The following PARVA variants were observed in gnomAD, a reference collection of about 807,000 sequenced individuals.
The protein encoded by PARVA is alpha-parvin.
A neutral mutation model predicts 52.6 loss-of-function variants in PARVA; 25 were observed. The ratio of observed to expected loss-of-function variants is 0.48; its 90% confidence interval spans 0.35 to 0.66. The LOEUF (loss-of-function observed/expected upper bound fraction) is 0.66, where lower values mean the gene tolerates loss of function less well. PARVA is among the 30% of genes least tolerant of loss of function. The pLI is 0.01. For synonymous variants in PARVA, 185 were observed against 179.1 expected (o/e 1.03, Z -0.26); for missense variants, 373 against 450.9 (o/e 0.83, Z 1.56).
intron 1 of PARVA, among the ~76,000 whole-genome samples, chr11:12,451,369 G>A (rs760665164): frequency 1.3e-5 from 2 of 152,096 alleles, no homozygotes; most frequent in Non-Finnish European, 2.9e-5. Flanking sequence ...TCTCAGAGGA[G>A]GGAAGGGTTT....
At position 12,512,618 on chromosome 11, in the gene PARVA, A is replaced by G. The variant is rs1003595203; in HGVS notation, c.737-681A>G. On this transcript the variant is annotated intron_variant, in intron 8 of 12. Coordinates refer to ENST00000334956, the MANE Select transcript of PARVA (RefSeq NM_018222.5). The stretch of plus-strand genomic sequence containing the variant: ...ATGATCCTGATATTTACTGTGGGTA[A>G]TATTTTGAAATATTTCAATCATGCT... Among the ~76,000 whole-genome samples the G allele has an allele frequency of 5.3e-5, 8 of 152,248 alleles. No individual in the cohort carries two copies. The East Asian group carries it at 7.7e-4, about 15-fold the overall frequency.
intron 1 of PARVA, among the ~76,000 whole-genome samples, chr11:12,386,308 A>G (rs1237435885): frequency 6.6e-6 from 1 of 152,150 alleles, no homozygotes; most frequent in African/African-American, 2.4e-5. Context: ...TAATCCCCCA[A>G]ACATGTCATT....
chr11:12,412,694 C>T (rs550587540), intron 1 of PARVA, among the ~76,000 whole-genome samples: 4 of 152,274 alleles, frequency 2.6e-5, no homozygotes, highest in Admixed American at 2.0e-4. Flanking sequence ...TCCCAGCCTA[C>T]AGAGAAAGGG....
intron 5 of PARVA, among the ~76,000 whole-genome samples, chr11:12,497,082 A>G (rs1014349997): frequency 4.6e-5 from 7 of 152,194 alleles, no homozygotes; most frequent in Non-Finnish European, 1.0e-4. Flanking sequence ...GATCATAGGC[A>G]CTGAAACAAG....
intron 1 of PARVA, 39 bp from the exon 2 acceptor site, chr11:12,473,706 G>T (rs377359691): frequency 6.8e-7 from 1 of 1,481,088 alleles, no homozygotes; most frequent in African/African-American, 1.4e-5. Context: ...CCTGCCGTCC[G>T]TCAGCTGAAA....
chr11:12,519,137 G>T (rs893945482), intron 12 of PARVA, among the ~76,000 whole-genome samples: 1 of 152,226 alleles, frequency 6.6e-6, no homozygotes. Context: ...CTTACTGACT[G>T]AAGTATTCCA....
intron 1 of PARVA, among the ~76,000 whole-genome samples, chr11:12,460,259 G>A (rs1171045637): frequency 6.6e-6 from 1 of 152,122 alleles, no homozygotes; most frequent in East Asian, 1.9e-4. Flanking sequence ...AAGGATGTGA[G>A]AGCTCTGCAG....
At chr11:12,391,561 A>G (rs1228041730) in intron 1 of PARVA, among the ~76,000 whole-genome samples, 2 of 152,214 alleles carry the variant, frequency 1.3e-5, no homozygotes, top group Non-Finnish European at 2.9e-5. Context: ...GCAGGTTGGT[A>G]TCAATGGGTT....
intron 1 of PARVA, among the ~76,000 whole-genome samples, chr11:12,439,591 C>T (rs1940434383): frequency 1.3e-5 from 2 of 152,132 alleles, no homozygotes; most frequent in African/African-American, 4.8e-5. Flanking sequence ...TGTTTGAGAC[C>T]TTGTTTGGAT....
At chr11:12,378,574 C>CTTTT (rs373881363) in intron 1 of PARVA, among the ~76,000 whole-genome samples, 14 of 114,902 alleles carry the variant, frequency 1.2e-4, no homozygotes, top group African/African-American at 4.4e-4. Context: ...CGACCTTATT[C>CTTTT]TTTTTTTTTT....
At chr11:12,492,989 TTATGA>T (rs1941251049) in intron 4 of PARVA, among the ~76,000 whole-genome samples, 1 of 152,160 alleles carries the variant, frequency 6.6e-6, no homozygotes, top group African/African-American at 2.4e-5. Context: ...CTGAAAAGAC[TTATGA>T]TATATATATG....
chr11:12,523,970 G>T (rs1387210321), intron 12 of PARVA, among the ~76,000 whole-genome samples: 1 of 152,200 alleles, frequency 6.6e-6, no homozygotes, highest in Non-Finnish European at 1.5e-5. Context: ...ACTACCTGGG[G>T]GCCCAGGTCT....
intron 5 of PARVA, among the ~76,000 whole-genome samples, chr11:12,497,434 C>CA (rs200678676): frequency 0.033 from 4,996 of 151,136 alleles, 175 homozygotes; most frequent in East Asian, 0.12. Context: ...CAGCCCCCTA[C>CA]AAAAAAAAAT....
At chr11:12,404,197 T>C (rs1441451985) in intron 1 of PARVA, among the ~76,000 whole-genome samples, 3 of 152,276 alleles carry the variant, frequency 2.0e-5, no homozygotes, top group Non-Finnish European at 4.4e-5. Flanking sequence ...TATTCATTTT[T>C]TCAGCAAATA....
chr11:12,500,299 CTTA>C (rs2135063531), intron 5 of PARVA, among the ~76,000 whole-genome samples: 1 of 152,278 alleles, frequency 6.6e-6, no homozygotes, highest in East Asian at 1.9e-4. Context: ...GGCCTGGGCG[CTTA>C]CTCTTATCCC....
chr11:12,425,019 C>T (rs769759485), intron 1 of PARVA, among the ~76,000 whole-genome samples: 3 of 152,176 alleles, frequency 2.0e-5, no homozygotes, highest in Non-Finnish European at 4.4e-5. Context: ...CTGTCTCCCC[C>T]TCTTTCAATT....
chr11:12,403,551 A>T (rs1258444346), intron 1 of PARVA, among the ~76,000 whole-genome samples: 1 of 152,234 alleles, frequency 6.6e-6, no homozygotes, highest in African/African-American at 2.4e-5. Context: ...ATGTTTAGTT[A>T]TGAGGAGAAA....
rs576340994 is a variant in PARVA, at chr11:12,415,502, A to G, written c.136+37719A>G. On this transcript the variant is annotated intron_variant, in intron 1 of 12. Coordinates refer to ENST00000334956, the MANE Select transcript of PARVA (RefSeq NM_018222.5). ...CCAGGCAGCACTCCCTGATGTCATC[A>G]ATACTTAGATTTATTGGGAGGGACC... Among the ~76,000 whole-genome samples the G allele has an allele frequency of 2.1e-5, 3 of 145,358 alleles. No individual in the cohort carries two copies. In the South Asian group the frequency reaches 6.5e-4, roughly 31 times the overall value.
chr11:12,404,757 G>A (rs537021296), intron 1 of PARVA, among the ~76,000 whole-genome samples: 53 of 152,346 alleles, frequency 3.5e-4, no homozygotes, highest in African/African-American at 1.2e-3. Flanking sequence ...CTTTGGACAT[G>A]TGGCATAGCC....
Sources: gnomAD v4.1 joint callset for allele counts (sites outside exome capture counted in the v4.1 genomes callset) on GRCh38, gnomAD v4.1.1 for gene constraint, MANE v1.5 for transcripts, NCBI Gene and HGNC (gene_info 2026-07-23, HGNC 2026-07-21) for gene names.